The following PHEX variants were observed in gnomAD, a reference collection of about 807,000 sequenced individuals.
PHEX encodes the protein phosphate-regulating neutral endopeptidase PHEX.
PHEX carries 16 observed loss-of-function variants against 68.0 expected under a neutral mutation model. The observed-to-expected ratio is 0.24, with a 90% confidence interval of 0.16 to 0.36. PHEX has a LOEUF of 0.36. Among genes scored for constraint, PHEX ranks in the 10% least tolerant of loss-of-function variants. PHEX has a pLI of 1.00. For missense variants in PHEX, 480 were observed against 575.5 expected, an observed-to-expected ratio of 0.83 and a Z score of 1.70; for synonymous variants, 208 against 205.1, an observed-to-expected ratio of 1.01 and a Z score of -0.12.
intron 21 of PHEX, 42 bp downstream of exon 21, chrX:22,245,451 C>G (rs1385945487): frequency 1.1e-6 from 1 of 902,643 alleles, no homozygotes; most frequent in East Asian, 3.1e-5. Flanking sequence ...AACTGTACAT[C>G]TCCCCCCTTC....
intron 2 of PHEX, among the ~76,000 whole-genome samples, chrX:22,045,868 TA>T (rs1927505460): frequency 8.9e-6 from 1 of 112,409 alleles, no homozygotes; most frequent in South Asian, 3.7e-4. Flanking sequence ...CTCTGAGAGT[TA>T]CACTGAATAT....
chrX:22,201,959 A>G (rs1193135074), intron 15 of PHEX, among the ~76,000 whole-genome samples: 1 of 97,072 alleles, frequency 1.0e-5, no homozygotes, highest in African/African-American at 5.0e-5. Flanking sequence ...TCTTCTCTTT[A>G]AAAAATCAAT....
At chrX:22,179,946 TA>T (rs1341870799) in intron 14 of PHEX, among the ~76,000 whole-genome samples, 1 of 110,479 alleles carries the variant, frequency 9.1e-6, no homozygotes, top group Non-Finnish European at 1.9e-5. Flanking sequence ...TTGTTGTTGC[TA>T]ATGACAGTTT....
intron 14 of PHEX, among the ~76,000 whole-genome samples, chrX:22,179,340 A>G (rs960403823): frequency 2.7e-5 from 3 of 110,736 alleles, no homozygotes; most frequent in Non-Finnish European, 5.7e-5. Flanking sequence ...TTTTATTTCA[A>G]TAGATTTTGG....
chrX:22,120,789 T>A (rs1931452413), intron 11 of PHEX, among the ~76,000 whole-genome samples: 1 of 112,050 alleles, frequency 8.9e-6, no homozygotes, highest in Non-Finnish European at 1.9e-5. Context: ...TAAGATTTAT[T>A]ATCAAAGTTT....
At chrX:22,131,847 C>T (rs1226525761) in intron 11 of PHEX, among the ~76,000 whole-genome samples, 4 of 111,131 alleles carry the variant, frequency 3.6e-5, no homozygotes, top group African/African-American at 9.8e-5. Context: ...AGCATCTCTG[C>T]AGGAGAACTG....
intron 18 of PHEX, among the ~76,000 whole-genome samples, chrX:22,224,994 T>TTTGATTATCATA (rs1569433288): frequency 1.6e-4 from 1 of 6,071 alleles, no homozygotes; most frequent in Non-Finnish European, 3.2e-4. Flanking sequence ...GCTCTGTATG[T>TTTGATTATCATA]CAGAAGTCTG....
chrX:22,209,427 C>G (rs908128413), intron 15 of PHEX, among the ~76,000 whole-genome samples: 18 of 110,152 alleles, frequency 1.6e-4, no homozygotes, highest in African/African-American at 4.6e-4. Context: ...CAAAATAACT[C>G]CATACACTGT....
At chrX:22,181,481 A>G (rs1933880955) in intron 14 of PHEX, among the ~76,000 whole-genome samples, 1 of 111,875 alleles carries the variant, frequency 8.9e-6, no homozygotes, top group South Asian at 3.7e-4. Flanking sequence ...TGGTTACTAT[A>G]GCTCTGTAGT....
chrX:22,210,077 C>T (rs1207774932), intron 15 of PHEX, among the ~76,000 whole-genome samples: 2 of 112,024 alleles, frequency 1.8e-5, no homozygotes, highest in African/African-American at 6.5e-5. Flanking sequence ...TTGCTAAATA[C>T]AACTTATCCA....
chrX:22,046,577 T>G (rs1376680563), intron 2 of PHEX, among the ~76,000 whole-genome samples: 1 of 103,786 alleles, frequency 9.6e-6, no homozygotes, highest in Non-Finnish European at 2.0e-5. Context: ...TTTTTTTTTT[T>G]TTTTTTTGAG....
intron 15 of PHEX, among the ~76,000 whole-genome samples, chrX:22,194,371 G>A (rs1365353813): frequency 9.0e-6 from 1 of 111,289 alleles, no homozygotes; most frequent in Non-Finnish European, 1.9e-5. Flanking sequence ...ATTAAGACAG[G>A]TGGAGTTTCT....
chrX:22,151,248 G>A (rs1932851006), intron 12 of PHEX, among the ~76,000 whole-genome samples: 1 of 111,937 alleles, frequency 8.9e-6, no homozygotes, highest in South Asian at 3.8e-4. Context: ...AGTTGTCAGA[G>A]TTTTGGGGGG....
At chrX:22,177,793 G>A (rs778887779) in intron 13 of PHEX, among the ~76,000 whole-genome samples, 52 of 111,311 alleles carry the variant, frequency 4.7e-4, no homozygotes, top group Non-Finnish European at 6.8e-4. Flanking sequence ...TTTCCTTTAC[G>A]AACAACTACC....
intron 18 of PHEX, among the ~76,000 whole-genome samples, chrX:22,224,947 A>AATTATCATACAGCGCGGTATGATTT (rs1935400514): frequency 4.3e-5 from 1 of 23,247 alleles, no homozygotes; most frequent in Non-Finnish European, 7.9e-5. Flanking sequence ...AAATAACATA[A>AATTATCATACAGCGCGGTATGATTT]ATTATCATAC....
chrX:22,170,078 T>C (rs914267737), intron 13 of PHEX, among the ~76,000 whole-genome samples: 5 of 112,390 alleles, frequency 4.4e-5, no homozygotes, highest in Non-Finnish European at 9.4e-5. Context: ...AGCGTGAATT[T>C]CTACCAATTT....
At chrX:22,082,295 A>G (rs1481434563) in intron 5 of PHEX, among the ~76,000 whole-genome samples, 1 of 112,093 alleles carries the variant, frequency 8.9e-6, no homozygotes, top group Non-Finnish European at 1.9e-5. Flanking sequence ...TGCTTTCCAC[A>G]GTGGCTGGAC....
At chrX:22,246,528 G>C (rs2301329) in intron 21 of PHEX, among the ~76,000 whole-genome samples, 2 of 111,579 alleles carry the variant, frequency 1.8e-5, no homozygotes, top group Non-Finnish European at 3.8e-5. Flanking sequence ...GAAGGCTGAC[G>C]GTCTCGAACG....
chrX:22,155,646 T>G (rs1459100165), intron 12 of PHEX, among the ~76,000 whole-genome samples: 1 of 112,515 alleles, frequency 8.9e-6, no homozygotes, highest in Non-Finnish European at 1.9e-5. Flanking sequence ...TTGGTTAATA[T>G]TTCTATACTG....
Sources: allele counts gnomAD v4.1 joint callset (sites outside exome capture counted in the v4.1 genomes callset), GRCh38; gene constraint gnomAD v4.1.1; transcripts MANE v1.5; gene names NCBI Gene and HGNC (gene_info 2026-07-23, HGNC 2026-07-21).